The following PCYT1B variants were observed in gnomAD, a reference collection of about 807,000 sequenced individuals.
PCYT1B encodes phosphate cytidylyltransferase 1B, choline.
Under a neutral mutation model 26.4 loss-of-function variants are expected in PCYT1B, and 10 were observed. The observed-to-expected ratio is 0.38, with a 90% confidence interval of 0.23 to 0.64. The LOEUF is 0.64. PCYT1B is among the 30% of genes least tolerant of loss of function. The pLI is 0.56. For synonymous variants in PCYT1B, 131 were observed against 108.4 expected (o/e 1.21, Z -1.29); for missense variants, 161 against 292.7 (o/e 0.55, Z 3.28).
At chrX:24,630,707 T>C (rs759013167) in intron 1 of PCYT1B, among the ~76,000 whole-genome samples, 1 of 112,223 alleles carries the variant, frequency 8.9e-6, no homozygotes, top group South Asian at 3.7e-4. Flanking sequence ...AAGCTCCCAG[T>C]AGTCACAGCA....
intron 2 of PCYT1B, among the ~76,000 whole-genome samples, chrX:24,616,254 A>ATTT (rs1569248437): frequency 0.011 from 569 of 52,906 alleles, 9 homozygotes; most frequent in Admixed American, 0.039. Context: ...TTTTTTTTTA[A>ATTT]AAAAACAGAG....
At chrX:24,580,847 G>A (rs1264768873) in intron 5 of PCYT1B, among the ~76,000 whole-genome samples, 3 of 111,335 alleles carry the variant, frequency 2.7e-5, no homozygotes, top group Admixed American at 9.6e-5. Context: ...GTTTGTAGAC[G>A]TGGGCAAGTC....
At chrX:24,577,859 A>G (rs780927772) in intron 6 of PCYT1B, among the ~76,000 whole-genome samples, 8 of 111,695 alleles carry the variant, frequency 7.2e-5, no homozygotes, top group African/African-American at 2.6e-4. Context: ...CCAGGCAAAT[A>G]CAGTTGCTCA....
At position 24,559,419 on chromosome X, in the gene PCYT1B, AG is replaced by A. The variant is rs1923306410; in HGVS notation, c.*2873del. 1 of 35,728 alleles carries A rather than the reference AG, an allele frequency of 2.8e-5. No individual in the cohort carries two copies. Among genetic ancestry groups the A allele is most frequent in the African/African-American group, 7.1e-5 (1 of 14,157 alleles). 2.9% of individuals were successfully genotyped at this position (35,728 alleles called of 1,213,427 possible). On this transcript the variant is annotated 3_prime_UTR_variant, in exon 8 of 8. Coordinates refer to ENST00000379144, the MANE Select transcript of PCYT1B (RefSeq NM_004845.5). ...AAAGAAAGAAAAAGAGGAAAGAAAA[AG>A]AGAAAGAAGAAAGAAAAAGAAAGAG...
At chrX:24,621,967 A>G (rs1326417793) in intron 1 of PCYT1B, 1 of 162,988 alleles carries the variant, frequency 6.1e-6, no homozygotes. Context: ...TGCACCGTGC[A>G]TTTTGTTCTT....
chrX:24,582,716 G>C (rs187252787), intron 5 of PCYT1B, among the ~76,000 whole-genome samples: 2 of 112,199 alleles, frequency 1.8e-5, no homozygotes, highest in East Asian at 5.6e-4. Context: ...CTGACAAGCA[G>C]AGCAGAGTGT....
chrX:24,663,751 G>C (rs1602215587), intron 1 of PCYT1B, among the ~76,000 whole-genome samples: 1 of 110,685 alleles, frequency 9.0e-6, no homozygotes, highest in Non-Finnish European at 1.9e-5. Context: ...ACCCCCATCT[G>C]TACTAAAAAC....
At position 24,592,539 on chromosome X, in the gene PCYT1B, G is replaced by T. The variant is rs775216013; in HGVS notation, c.335-2365C>A. On this transcript the variant is annotated intron_variant, in intron 3 of 7. Transcript: ENST00000379144. ...CCCCACCCCTTCATCATCTCTCCCA[G>T]GGATGACTGCAGTAGCCTCTTAACT... Among the ~76,000 whole-genome samples the T allele has an allele frequency of 2.7e-5, 3 of 111,237 alleles. No individual in the cohort carries two copies. In the South Asian group the frequency reaches 1.2e-3, roughly 43 times the overall value.
chrX:24,572,589 C>T (rs1923867500), intron 7 of PCYT1B, among the ~76,000 whole-genome samples: 1 of 111,343 alleles, frequency 9.0e-6, no homozygotes, highest in Non-Finnish European at 1.9e-5. Flanking sequence ...CCCAAATTCA[C>T]AAATAAGGAA....
chrX:24,656,670 C>T (rs1282092559), intron 1 of PCYT1B, among the ~76,000 whole-genome samples: 1 of 104,665 alleles, frequency 9.6e-6, no homozygotes, highest in Non-Finnish European at 1.9e-5. Context: ...GTTCTTCTGC[C>T]TCAGCCTCCC....
intron 1 of PCYT1B, chrX:24,672,509 C>A: frequency 3.3e-6 from 3 of 920,312 alleles, no homozygotes; most frequent in Non-Finnish European, 4.7e-6. Context: ...TAGGACTTTA[C>A]TTTTTGAACT....
chrX:24,584,661 G>A (rs1263559315), intron 5 of PCYT1B, among the ~76,000 whole-genome samples: 1 of 112,228 alleles, frequency 8.9e-6, no homozygotes, highest in African/African-American at 3.2e-5. Flanking sequence ...TGCCATCAGG[G>A]AGAATACATA....
chrX:24,594,814 T>C (rs376559389), intron 3 of PCYT1B, among the ~76,000 whole-genome samples: 26 of 111,291 alleles, frequency 2.3e-4, no homozygotes, highest in African/African-American at 8.5e-4. Context: ...ATGCTGCAAC[T>C]AACCTATGCT....
chrX:24,607,371 T>C (rs1398732071), intron 3 of PCYT1B, among the ~76,000 whole-genome samples: 1 of 112,481 alleles, frequency 8.9e-6, no homozygotes. Context: ...CTAACTCCCT[T>C]TAGTTCTTTG....
At chrX:24,564,362 G>GTT in intron 7 of PCYT1B, among the ~76,000 whole-genome samples, 1 of 83,115 alleles carries the variant, frequency 1.2e-5, no homozygotes, top group East Asian at 4.2e-4. Context: ...TTGTTTTTTT[G>GTT]TTTTTTTGTT....
intron 6 of PCYT1B, 54 bp downstream of exon 6, chrX:24,579,262 G>A (rs1375988888): frequency 1.8e-6 from 2 of 1,114,088 alleles, no homozygotes; most frequent in Admixed American, 4.5e-5. Context: ...CAGCAGCACT[G>A]GTGGTGGTGG....
chrX:24,579,202 A>T, intron 6 of PCYT1B, 114 bp downstream of exon 6: 10 of 564,142 alleles, frequency 1.8e-5, no homozygotes, highest in South Asian at 3.9e-5. Flanking sequence ...AAAAAAAAAG[A>T]GAGAGAGAGA....
At chrX:24,614,814 G>A (rs746196349) in intron 2 of PCYT1B, among the ~76,000 whole-genome samples, 74 of 111,691 alleles carry the variant, frequency 6.6e-4, no homozygotes, top group Middle Eastern at 4.6e-3. Flanking sequence ...AAAATTCTCC[G>A]AGCTTTTCTG....
At chrX:24,657,665 C>A (rs987347240) in intron 1 of PCYT1B, among the ~76,000 whole-genome samples, 1 of 111,780 alleles carries the variant, frequency 8.9e-6, no homozygotes, top group Non-Finnish European at 1.9e-5. Flanking sequence ...AAGTCTACAC[C>A]AAGCTACGCC....
Sources: allele counts gnomAD v4.1 joint callset (sites outside exome capture counted in the v4.1 genomes callset), GRCh38; gene constraint gnomAD v4.1.1; transcripts MANE v1.5; gene names NCBI Gene and HGNC (gene_info 2026-07-23, HGNC 2026-07-21).